TMEM276: variants seen among roughly 807,000 people sequenced by gnomAD.
TMEM276 encodes the protein transmembrane protein 276.
chr8:144,466,717 C>T, the TMEM276 span: 1 of 1,445,446 alleles, frequency 6.9e-7, no homozygotes, highest in Non-Finnish European at 9.2e-7. Flanking sequence ...GGCCAGCAGG[C>T]TGCCTGCCCC....
the TMEM276 span, chr8:144,466,858 C>A: frequency 6.5e-7 from 1 of 1,536,612 alleles, no homozygotes; most frequent in Non-Finnish European, 8.7e-7. Flanking sequence ...GGCTGGGAGT[C>A]CCGCGGTGCG....
chr8:144,466,584 CCGGGGCGGGGGCGGGCA>C, the TMEM276 span: 3 of 943,002 alleles, frequency 3.2e-6, no homozygotes, highest in Non-Finnish European at 4.1e-6. Flanking sequence ...GCCGAGGTTC[CCGGGGCGGGGGCGGGCA>C]CGGGGCGCGG....
the TMEM276 span, chr8:144,466,165 T>G: frequency 8.9e-5 from 15 of 167,824 alleles, no homozygotes; most frequent in Non-Finnish European, 1.5e-4. Flanking sequence ...CCGTGGGCGC[T>G]CTCAGCCCGG....
chr8:144,464,769 G>GGT, the TMEM276 span: 17 of 1,609,386 alleles, frequency 1.1e-5, no homozygotes, highest in East Asian at 3.8e-4. Flanking sequence ...GGGTTTGGGA[G>GGT]GTATGGGGAT....
At chr8:144,464,090 C>A in the TMEM276 span, 1 of 1,577,934 alleles carries the variant, frequency 6.3e-7, no homozygotes, top group South Asian at 1.2e-5. Context: ...GGAAAGTGTT[C>A]GGCAGGGCAG....
At chr8:144,466,283 C>T in the TMEM276 span, 9 of 224,492 alleles carry the variant, frequency 4.0e-5, 1 homozygote, top group Admixed American at 2.9e-4. Flanking sequence ...CCCGCGCTCG[C>T]CTTCCAGCCG....
At chr8:144,464,662 C>T in the TMEM276 span, 4 of 1,573,882 alleles carry the variant, frequency 2.5e-6, no homozygotes, top group Non-Finnish European at 2.6e-6. Context: ...GCCGGGGTCA[C>T]CCTTTTAAAC....
At chr8:144,464,981 C>A in the TMEM276 span, 3 of 1,563,144 alleles carry the variant, frequency 1.9e-6, no homozygotes, top group Non-Finnish European at 2.6e-6. Flanking sequence ...CAGAAGCCAG[C>A]GACCTGGAGC....
the TMEM276 span, chr8:144,465,236 C>T: frequency 8.6e-7 from 1 of 1,158,748 alleles, no homozygotes; most frequent in Non-Finnish European, 1.1e-6. Flanking sequence ...CGAGGCGCTG[C>T]AGGCCCACGC....
the TMEM276 span, chr8:144,466,636 C>G: frequency 1.1e-4 from 108 of 954,764 alleles, no homozygotes; most frequent in Non-Finnish European, 1.4e-4. Flanking sequence ...GCCGAGGACC[C>G]TCGGCTCGGC....
the TMEM276 span, chr8:144,466,962 GCTCC>G: frequency 6.3e-7 from 1 of 1,593,106 alleles, no homozygotes; most frequent in Non-Finnish European, 8.5e-7. Context: ...CCGGCAGCCA[GCTCC>G]GAGCCTGAGG....
chr8:144,463,943 TCTAGA>T, the TMEM276 span: 15 of 1,471,454 alleles, frequency 1.0e-5, no homozygotes, highest in Admixed American at 5.2e-5. Context: ...TTCATTCTGG[TCTAGA>T]CAAGTCCCCA....
At chr8:144,465,425 G>A in the TMEM276 span, 13 of 1,010,910 alleles carry the variant, frequency 1.3e-5, no homozygotes, top group South Asian at 7.5e-5. Flanking sequence ...ACCGCCGTCG[G>A]CCCTGCCTCC....
chr8:144,466,441 C>A, the TMEM276 span: 2 of 1,361,580 alleles, frequency 1.5e-6, no homozygotes, highest in Non-Finnish European at 1.9e-6. Context: ...TTACTCGTTG[C>A]TCATCTACAT....
the TMEM276 span, chr8:144,465,386 G>C: frequency 1.9e-6 from 2 of 1,031,062 alleles, no homozygotes; most frequent in Admixed American, 1.1e-4. Context: ...CGGCGAGCGG[G>C]AGGCCCGAGC....
At chr8:144,466,754 C>T in the TMEM276 span, 13 of 1,528,942 alleles carry the variant, frequency 8.5e-6, no homozygotes, top group South Asian at 9.6e-5. Context: ...CCTGCCCCCT[C>T]CCTAGAGAGC....
the TMEM276 span, chr8:144,464,167 T>A: frequency 2.5e-6 from 4 of 1,612,802 alleles, no homozygotes; most frequent in Non-Finnish European, 3.4e-6. Context: ...GGCCCGGCAG[T>A]AAGCCCAGCT....
At chr8:144,464,245 C>G in the TMEM276 span, 1 of 1,613,024 alleles carries the variant, frequency 6.2e-7, no homozygotes. Flanking sequence ...CTCCTCCAGC[C>G]GGCTCAGGAG....
chr8:144,465,937 A>C, the TMEM276 span: 3 of 105,034 alleles, frequency 2.9e-5, no homozygotes, highest in African/African-American at 3.8e-5. Flanking sequence ...ACTGAGAGGG[A>C]CCGAGAGGGG....
Sources: allele counts gnomAD v4.1 joint callset, GRCh38; gene constraint gnomAD v4.1.1; transcripts MANE v1.5; gene names NCBI Gene and HGNC (gene_info 2026-07-23, HGNC 2026-07-21).